The following FER1L5 variants were observed in gnomAD, a reference collection of about 807,000 sequenced individuals.
FER1L5 encodes the protein fer-1-like protein 5.
In FER1L5, 187 loss-of-function variants were observed where a neutral mutation model predicts 279.9. That is an observed-to-expected ratio of 0.67 (90% CI 0.59 to 0.75). FER1L5 has a LOEUF of 0.75. Ranked by LOEUF, FER1L5 falls within the 30% of genes least tolerant of loss-of-function variation. The probability of loss-of-function intolerance (pLI) is 0.00; values close to 1 mark genes in which losing one functional copy is unlikely to be tolerated. For synonymous variants in FER1L5, 921 were observed against 989.7 expected, an observed-to-expected ratio of 0.93 and a Z score of 1.30; for missense variants, 2,091 against 2,594.4, an observed-to-expected ratio of 0.81 and a Z score of 4.21.
rs1304418024 is a variant in FER1L5, at chr2:96,651,874, C to A, written c.505-18C>A. On this transcript the variant is annotated intron_variant, in intron 6 of 52. Transcript: ENST00000624922. Reference sequence around the variant, plus strand: ...CAGAAGGCCCTCAATATCAGCTCCCCATGTGTTCCGCCCTTAGGTTCGAGT... The same window carrying A: ...CAGAAGGCCCTCAATATCAGCTCCCAATGTGTTCCGCCCTTAGGTTCGAGT... The A allele has an allele frequency of 4.5e-6, 7 of 1,552,046 alleles. No individual in the cohort carries two copies. The highest frequency in any genetic ancestry group is 4.4e-6 in the Non-Finnish European group (5 of 1,147,014).
At position 96,700,401 on chromosome 2, in the gene FER1L5, C is replaced by T. The variant is rs760221057; in HGVS notation, c.5000C>T (p.Thr1667Ile). 6.2e-7 allele frequency: 1 copy of T among 1,613,874 alleles called. No individual in the cohort carries two copies. ...KERLALYLLH[T>I]QGLVPEHVET... The stretch of plus-strand genomic sequence containing the variant: ...CGCCTTGCACTGTACCTCCTGCACA[C>T]CCAGGGGCTGGTACCTGAGCACGTG... The change falls in exon 45 of 53, where the codon ACC becomes ATC. Residue 1667 changes from threonine to isoleucine, a missense_variant. Physicochemically the swap from Thr to Ile is moderately conservative, Grantham distance 89 (BLOSUM62 -1). Coordinates refer to ENST00000624922, the MANE Select transcript of FER1L5 (RefSeq NM_001293083.2).
chr2:96,693,122 G>A (rs1055872564), intron 31 of FER1L5, among the ~76,000 whole-genome samples: 1 of 151,376 alleles, frequency 6.6e-6, no homozygotes, highest in African/African-American at 2.4e-5. Flanking sequence ...GTTGCAGTGA[G>A]CCGAGATGTG....
rs200851091 is a variant in FER1L5 at position 96,702,718 on chromosome 2, C to A, written c.5374C>A (p.Arg1792Ser). ...IFTMDYLAAE[R>S]TCVQSQKDYI... Reference sequence around the variant, plus strand: ...TACCATGGACTACCTGGCGGCGGAGCGCACGTGTGTCCAGAGCCAGAAGGT... The same window carrying A: ...TACCATGGACTACCTGGCGGCGGAGAGCACGTGTGTCCAGAGCCAGAAGGT... The change falls in exon 48 of 53, where the codon CGC becomes AGC. Residue 1792 changes from arginine (R) to serine (S), a missense_variant. Physicochemically the swap from Arg to Ser is moderately radical, Grantham distance 110. Coordinates refer to ENST00000624922, the MANE Select transcript of FER1L5 (RefSeq NM_001293083.2). This position sits in a 1 kb window ranked among gnomAD's most constrained non-coding sequence, Gnocchi z 4.0. 6.2e-7 allele frequency: 1 copy of A among 1,613,004 alleles called. No homozygotes were observed. Among genetic ancestry groups the A allele is most frequent in the African/African-American group, 1.3e-5 (1 of 75,000 alleles).
At position 96,698,027 on chromosome 2, in the gene FER1L5, AC is replaced by A. The variant is rs1277977587; in HGVS notation, c.4237-8del. On this transcript the variant is annotated splice_polypyrimidine_tract_variant and intron_variant, in intron 39 of 52. Transcript: ENST00000624922. This position sits in a 1 kb window ranked among gnomAD's most constrained non-coding sequence, Gnocchi z 5.5. ...GTCTCCACCAGCCAGGGTTCCACAC[AC>A]CTCTGCAGGTGTATGAGTGTGAGCT... 1.9e-6 allele frequency: 3 copies of A among 1,558,668 alleles called. No homozygotes were observed. Among genetic ancestry groups the A allele is most frequent in the Non-Finnish European group, 2.6e-6 (3 of 1,151,326 alleles).
At chr2:96,686,379 A>G in intron 23 of FER1L5, 29 bp downstream of exon 23, 1 of 1,539,156 alleles carries the variant, frequency 6.5e-7, no homozygotes, top group African/African-American at 1.4e-5. Flanking sequence ...TCAGGGGAGG[A>G]CAGGGCTGAG....
chr2:96,647,969 T>A, intron 4 of FER1L5, 83 bp downstream of exon 4: 1 of 1,141,304 alleles, frequency 8.8e-7, no homozygotes, highest in Non-Finnish European at 1.3e-6. Context: ...ACAAGAGTGC[T>A]TCCTGCTTGG....
intron 24 of FER1L5, 45 bp downstream of exon 24, chr2:96,687,992 G>A: frequency 6.5e-7 from 1 of 1,547,514 alleles, no homozygotes; most frequent in Non-Finnish European, 8.7e-7. Context: ...GCACGCGGGG[G>A]TGGGGGTAGG....
At chr2:96,701,406 G>A (rs907427782) in intron 45 of FER1L5, among the ~76,000 whole-genome samples, 1 of 152,198 alleles carries the variant, frequency 6.6e-6, no homozygotes, top group Non-Finnish European at 1.5e-5. Context: ...AAGGCAGAAC[G>A]TATTTGTGTA....
In FER1L5 at chr2:96,694,277, A is replaced by G; in HGVS notation, c.3637-83A>G. 1 of 1,374,178 alleles carries G rather than the reference A, an allele frequency of 7.3e-7. No individual in the cohort carries two copies. Among genetic ancestry groups the G allele is most frequent in the Admixed American group, 2.6e-5 (1 of 38,744 alleles). The allele number at this position is 1,374,178 out of a possible 1,614,324, so 85.1% of individuals were successfully genotyped here. A position where few individuals can be genotyped will look rare whatever the true frequency, so the allele number is the denominator to read the frequency against. ...TACCCATGGGGCTCTGGGCTCGGTG[A>G]GGCCTCTGAGGGACCTGCTTGAGGT... is the stretch of plus-strand genomic sequence containing the variant. On this transcript the variant is annotated intron_variant, in intron 33 of 52. Coordinates refer to ENST00000624922, the MANE Select transcript of FER1L5 (RefSeq NM_001293083.2). The surrounding 1 kb of genome is among the most constrained non-coding windows in gnomAD (Gnocchi z 4.6).
intron 9 of FER1L5, among the ~76,000 whole-genome samples, chr2:96,659,034 C>T (rs2075712599): frequency 1.3e-5 from 2 of 151,986 alleles, no homozygotes; most frequent in Non-Finnish European, 2.9e-5. Context: ...CAAGCTCCAC[C>T]CCCTGGGTTC....
chr2:96,696,906 C>CCA (rs2077406229), intron 37 of FER1L5, among the ~76,000 whole-genome samples: 1 of 152,074 alleles, frequency 6.6e-6, no homozygotes, highest in African/African-American at 2.4e-5. Context: ...CTTCCATCCC[C>CCA]CACTTAAAAA....
In FER1L5 at chr2:96,702,317, G is replaced by A. The variant is rs1271063274; in HGVS notation, c.5171G>A (p.Arg1724Gln). The stretch of plus-strand genomic sequence containing the variant: ...CACAGTGGCCACAGGTATGAGCTGC[G>A]ATGCATCATCTGGAAGACTGCCAAT... ...NPRKPKRYEL[R>Q]CIIWKTANVD... Residue 1724 changes from arginine (R) to glutamine (Q), a missense_variant, in exon 47 of 53, where the codon CGA (arginine) becomes CAA (glutamine). Transcript: ENST00000624922. This position sits in a 1 kb window ranked among gnomAD's most constrained non-coding sequence, Gnocchi z 4.0. 9 of 1,611,810 alleles carry A rather than the reference G, an allele frequency of 5.6e-6. No homozygotes were observed. In the East Asian group the frequency reaches 1.3e-4, roughly 24 times the overall value.
rs1322072037 is a variant in FER1L5, at chr2:96,691,143, A to C, written c.2744-47A>C. On this transcript the variant is annotated intron_variant, in intron 27 of 52. Transcript: ENST00000624922. The surrounding 1 kb of genome is among the most constrained non-coding windows in gnomAD (Gnocchi z 6.0). ...CTCCCGGGTTTGTCCAGGCCTCCCA[A>C]CCTGCGGGCACCTGAGGACTCAGAG... is the stretch of plus-strand genomic sequence containing the variant. 2.7e-6 allele frequency: 4 copies of C among 1,508,692 alleles called. No individual in the cohort carries two copies. In the Admixed American group the frequency reaches 6.5e-5, roughly 24 times the overall value. The allele number at this position is 1,508,692 out of a possible 1,614,324, so 93.5% of individuals were successfully genotyped here.
chr2:96,677,288 C>G lies in FER1L5; in HGVS notation c.1669+4034C>G, dbSNP rs577381265. Among the ~76,000 whole-genome samples the G allele has an allele frequency of 3.6e-4, 55 of 152,258 alleles. 2 individuals carry two copies. The highest frequency in any genetic ancestry group is 3.4e-3 in the Middle Eastern group (1 of 294). ...AGAATTCTCTTGCTTTGTAGTGACT[C>G]CCCTGTCCCCACCCCCAGGTCCACA... On this transcript the variant is annotated intron_variant, in intron 19 of 52. Transcript: ENST00000624922.
chr2:96,669,307 G>T (rs2076239533), intron 17 of FER1L5, among the ~76,000 whole-genome samples, 170 bp downstream of exon 17: 3 of 152,180 alleles, frequency 2.0e-5, no homozygotes, highest in Admixed American at 1.3e-4. Context: ...GGACAGGCGT[G>T]GGGGCACAAG....
At position 96,689,230 on chromosome 2, in the gene FER1L5, G is replaced by A. The variant is rs1385296779; in HGVS notation, c.2379G>A (p.Lys793=). ...TCCCCTAGTATGAGAATCAGGCCAA[G>A]TATAAAGACCAGTGGGGGCAGCAGG... ...VYAEMYENQA[K]YKDQWGQQGL... is the part of the protein sequence containing the mutation. The change falls in exon 25 of 53, where the codon AAG becomes AAA. Residue 793 remains lysine (K), a synonymous_variant. Coordinates refer to ENST00000624922, the MANE Select transcript of FER1L5 (RefSeq NM_001293083.2). This position sits in a 1 kb window ranked among gnomAD's most constrained non-coding sequence, Gnocchi z 4.6. 2 of 1,550,604 alleles carry A rather than the reference G, an allele frequency of 1.3e-6. No homozygotes were observed. Among genetic ancestry groups the A allele is most frequent in the Admixed American group, 3.9e-5 (2 of 50,896 alleles).
At position 96,687,772 on chromosome 2, in the gene FER1L5, AG is replaced by A. The variant is rs758697755; in HGVS notation, c.2230-41del. 3.8e-5 allele frequency: 58 copies of A among 1,546,498 alleles called. 3 individuals carry two copies. The highest frequency in any genetic ancestry group is 2.0e-4 in the Admixed American group (10 of 50,882). Reference sequence around the variant, plus strand: ...TTGGGGGGTGGCCGGGGTGGCGTTCAGGGTGTTTAGTGCCCCTGTGGGACCG... The same window carrying A: ...TTGGGGGGTGGCCGGGGTGGCGTTCAGGTGTTTAGTGCCCCTGTGGGACCG... On this transcript the variant is annotated intron_variant, in intron 23 of 52. Coordinates refer to ENST00000624922, the MANE Select transcript of FER1L5 (RefSeq NM_001293083.2).
rs188080180 is a variant in FER1L5, at chr2:96,681,766, A to T, written c.1670-2561A>T. Among the ~76,000 whole-genome samples, 470 of 125,100 alleles carry T rather than the reference A, an allele frequency of 3.8e-3. 2 individuals are homozygous for T. The highest frequency in any genetic ancestry group is 6.3e-3 in the Admixed American group (82 of 13,120). The allele number at this position is 125,100 out of a possible 152,430, so 82.1% of individuals were successfully genotyped here. ...TTTCTACTACTGAGAGATTTTTGAG[A>T]GATTATTTTATTTATTTATTTATTT... On this transcript the variant is annotated intron_variant, in intron 19 of 52. Transcript: ENST00000624922.
intron 17 of FER1L5, 139 bp from the exon 18 acceptor site, chr2:96,669,980 T>C: frequency 8.5e-7 from 1 of 1,180,614 alleles, no homozygotes; most frequent in Non-Finnish European, 1.2e-6. Context: ...TCTGGAATTC[T>C]TCTCCGGGAT....
Sources: gnomAD v4.1 joint callset for allele counts (sites outside exome capture counted in the v4.1 genomes callset) on GRCh38, gnomAD v4.1.1 for gene constraint, Gnocchi (gnomAD v3.1) non-coding constraint, MANE v1.5 for transcripts, NCBI Gene and HGNC (gene_info 2026-07-23, HGNC 2026-07-21) for gene names.